Variants in DPP10 observed in about 807,000 individuals in gnomAD.
The protein encoded by DPP10 is dipeptidyl peptidase like 10.
DPP10 carries 33 observed loss-of-function variants against 120.9 expected under a neutral mutation model. The observed-to-expected ratio is 0.27, with a 90% confidence interval of 0.21 to 0.37. DPP10 has a LOEUF of 0.37. Ranked by LOEUF, DPP10 falls within the 10% of genes least tolerant of loss-of-function variation. DPP10 has a pLI of 1.00. For missense variants in DPP10, 816 were observed against 942.8 expected (o/e 0.87, Z 1.76); for synonymous variants, 337 against 326.1 (o/e 1.03, Z -0.36).
intron 1 of DPP10, among the ~76,000 whole-genome samples, chr2:114,487,961 AAAGT>A (rs1681655058): frequency 6.6e-6 from 1 of 152,242 alleles, no homozygotes; most frequent in Non-Finnish European, 1.5e-5. Context: ...CGTTTATTGA[AAAGT>A]AAATCACAGA....
intron 3 of DPP10, among the ~76,000 whole-genome samples, chr2:115,433,054 C>T (rs1217328881): frequency 6.6e-6 from 1 of 151,982 alleles, no homozygotes; most frequent in Non-Finnish European, 1.5e-5. Context: ...TTCTGTCAGA[C>T]AGTAAGGATT....
chr2:115,134,324 T>C (rs2050535745), intron 1 of DPP10, among the ~76,000 whole-genome samples: 1 of 152,122 alleles, frequency 6.6e-6, no homozygotes, highest in Non-Finnish European at 1.5e-5. Context: ...CAAATAAGAG[T>C]AACTATTTGG....
intron 1 of DPP10, among the ~76,000 whole-genome samples, chr2:114,546,500 A>T (rs1025234256): frequency 6.6e-6 from 1 of 152,188 alleles, no homozygotes; most frequent in Non-Finnish European, 1.5e-5. Context: ...TTGGGCAGGG[A>T]TAGATAGCCA....
chr2:115,442,236 C>T (rs972762419), intron 3 of DPP10, among the ~76,000 whole-genome samples: 12 of 151,842 alleles, frequency 7.9e-5, no homozygotes, highest in Admixed American at 5.3e-4. Context: ...TTTGGTAGGC[C>T]CAAAGCTCAC....
intron 1 of DPP10, among the ~76,000 whole-genome samples, chr2:114,487,352 T>C (rs989740160): frequency 3.3e-5 from 5 of 152,344 alleles, no homozygotes; most frequent in Non-Finnish European, 7.4e-5. Context: ...TGTTGCTCTT[T>C]AGTCCTGTCA....
At chr2:114,648,825 G>A (rs1270289008) in intron 1 of DPP10, among the ~76,000 whole-genome samples, 1 of 152,186 alleles carries the variant, frequency 6.6e-6, no homozygotes, top group Non-Finnish European at 1.5e-5. Flanking sequence ...TACAAAGTGA[G>A]CTATTTTTGA....
intron 1 of DPP10, among the ~76,000 whole-genome samples, chr2:114,635,737 T>A (rs952205820): frequency 6.6e-6 from 1 of 151,930 alleles, no homozygotes; most frequent in South Asian, 2.1e-4. Context: ...GACTTTTTAT[T>A]GATGTGAGTT....
chr2:115,268,584 G>T (rs1256570837), intron 1 of DPP10, among the ~76,000 whole-genome samples: 1 of 152,182 alleles, frequency 6.6e-6, no homozygotes, highest in Non-Finnish European at 1.5e-5. Context: ...ACTTTGGAAA[G>T]AAAGATCCTA....
At chr2:114,772,029 C>T (rs980824976) in intron 1 of DPP10, among the ~76,000 whole-genome samples, 4 of 151,816 alleles carry the variant, frequency 2.6e-5, no homozygotes, top group South Asian at 2.1e-4. Context: ...AATCTTTTTC[C>T]ACAGTTATTT....
chr2:115,742,186 TCA>T (rs1677359721), intron 9 of DPP10, among the ~76,000 whole-genome samples: 1 of 152,136 alleles, frequency 6.6e-6, no homozygotes, highest in Admixed American at 6.6e-5. Flanking sequence ...TTTATACAAG[TCA>T]CAGTTATTTT....
chr2:115,404,787 T>C (rs1018031351), intron 3 of DPP10, among the ~76,000 whole-genome samples: 3 of 152,262 alleles, frequency 2.0e-5, no homozygotes, highest in Non-Finnish European at 2.9e-5. Flanking sequence ...AAAGGCCAAA[T>C]TGGAGAGGCA....
At chr2:115,782,495 CT>C (rs950832434) in intron 17 of DPP10, 96 bp downstream of exon 17, 2 of 1,219,414 alleles carry the variant, frequency 1.6e-6, no homozygotes, top group Non-Finnish European at 2.4e-6. Flanking sequence ...ATAAATTCTT[CT>C]TCAAAAAATC....
chr2:115,199,679 TTA>T (rs139768862), intron 1 of DPP10, among the ~76,000 whole-genome samples: 2,208 of 152,276 alleles, frequency 0.015, 61 homozygotes, highest in African/African-American at 0.049. Context: ...ACTTTTTCTT[TTA>T]TTCATTATCT....
chr2:114,624,362 A>G (rs1337685393), intron 1 of DPP10, among the ~76,000 whole-genome samples: 2 of 151,956 alleles, frequency 1.3e-5, no homozygotes, highest in Non-Finnish European at 2.9e-5. Flanking sequence ...TCTCTAGGGC[A>G]TAGGGGATAA....
At position 115,845,749 on chromosome 2, in the gene DPP10, T is replaced by G. The variant is rs1004869569; in HGVS notation, c.*3404T>G. On this transcript the variant is annotated 3_prime_UTR_variant, in exon 26 of 26. Coordinates refer to ENST00000410059, the MANE Select transcript of DPP10 (RefSeq NM_020868.6). ...AATAAGAATAAATCAGTGGTTTATT[T>G]TCAGGTTCGAATAAACTCTTTCTAA... is the stretch of plus-strand genomic sequence containing the variant. 7 of 152,222 alleles carry G rather than the reference T, an allele frequency of 4.6e-5. No individual in the cohort carries two copies. Among genetic ancestry groups the G allele is most frequent in the Admixed American group, 3.9e-4 (6 of 15,282 alleles). The allele number at this position is 152,222 out of a possible 1,614,324, so 9.4% of individuals were successfully genotyped here.
intron 7 of DPP10, among the ~76,000 whole-genome samples, chr2:115,714,756 G>C (rs967851348): frequency 6.6e-6 from 1 of 152,126 alleles, no homozygotes; most frequent in Non-Finnish European, 1.5e-5. Flanking sequence ...CTGGATGGGC[G>C]CCGTGGCTCA....
chr2:114,518,634 C>T (rs1193975136), intron 1 of DPP10, among the ~76,000 whole-genome samples: 1 of 152,130 alleles, frequency 6.6e-6, no homozygotes. Flanking sequence ...CTGTCCTCCC[C>T]GGCAGCATTG....
In DPP10 at chr2:115,262,962, C is replaced by A. The variant is rs375368100; in HGVS notation, c.61-46277C>A. On this transcript the variant is annotated intron_variant, in intron 1 of 25. Coordinates refer to ENST00000410059, the MANE Select transcript of DPP10 (RefSeq NM_020868.6). ...AAGCATAAGCATCCTACATTTATAC[C>A]CTTTTCCCCATAAATACATAGTGTG... Among the ~76,000 whole-genome samples the A allele has an allele frequency of 6.5e-4, 99 of 152,200 alleles. 1 individual carries two copies. The East Asian group carries it at 7.9e-3, about 12-fold the overall frequency.
At chr2:115,490,477 A>G (rs1030747966) in intron 3 of DPP10, among the ~76,000 whole-genome samples, 1 of 152,146 alleles carries the variant, frequency 6.6e-6, no homozygotes, top group Admixed American at 6.5e-5. Flanking sequence ...GGGTGGGGAC[A>G]CAGCTAAACC....
Sources: gnomAD v4.1 joint callset for allele counts (sites outside exome capture counted in the v4.1 genomes callset) on GRCh38, gnomAD v4.1.1 for gene constraint, MANE v1.5 for transcripts, NCBI Gene and HGNC (gene_info 2026-07-23, HGNC 2026-07-21) for gene names.